Variants in MAGI1 observed in about 807,000 individuals in gnomAD.
MAGI1 encodes the protein membrane associated guanylate kinase, WW and PDZ domain containing 1, also known as membrane-associated guanylate kinase, WW and PDZ domain-containing protein 1.
In MAGI1, 58 loss-of-function variants were observed where a neutral mutation model predicts 139.9. That is an observed-to-expected ratio of 0.41 (90% confidence interval 0.34 to 0.52). The LOEUF is 0.52. Among genes scored for constraint, MAGI1 ranks in the 20% least tolerant of loss-of-function variants. The pLI is 0.12. For synonymous variants in MAGI1, 812 were observed against 737.9 expected, an observed-to-expected ratio of 1.10 and a Z score of -1.63; for missense variants, 1,874 against 1,901.6, an observed-to-expected ratio of 0.99 and a Z score of 0.27.
intron 1 of MAGI1, among the ~76,000 whole-genome samples, chr3:65,730,043 C>T (rs2034025546): frequency 6.6e-6 from 1 of 152,216 alleles, no homozygotes. Flanking sequence ...TTACATTTCT[C>T]AGCATCTGTC....
chr3:65,422,622 A>G (rs1475757856), intron 12 of MAGI1, among the ~76,000 whole-genome samples: 1 of 152,208 alleles, frequency 6.6e-6, no homozygotes, highest in Non-Finnish European at 1.5e-5. Context: ...GGGATAAAGT[A>G]GTGATTGCAA....
At chr3:65,859,939 G>A (rs536873145) in intron 1 of MAGI1, among the ~76,000 whole-genome samples, 159 of 146,626 alleles carry the variant, frequency 1.1e-3, no homozygotes, top group African/African-American at 3.7e-3. Flanking sequence ...TTTTGCTATT[G>A]TTGCCCAGGG....
chr3:65,492,981 C>G (rs145782256), intron 3 of MAGI1, among the ~76,000 whole-genome samples: 2,047 of 150,468 alleles, frequency 0.014, 43 homozygotes, highest in African/African-American at 0.046. Context: ...GGGAGGCTGA[C>G]GCAGGAGAAT....
intron 8 of MAGI1, among the ~76,000 whole-genome samples, chr3:65,440,830 T>A (rs1221973139): frequency 1.2e-5 from 1 of 84,966 alleles, no homozygotes; most frequent in Non-Finnish European, 2.6e-5. Flanking sequence ...TGTACATGTA[T>A]ACATATACAT....
rs138519034 is a variant in MAGI1, at chr3:65,369,408, A to G, written c.3197-4462T>C. Among the ~76,000 whole-genome samples the G allele has an allele frequency of 4.9e-3, 747 of 152,308 alleles. 5 individuals are homozygous for G. The highest frequency in any genetic ancestry group is 0.017 in the African/African-American group (710 of 41,586). ...AAGAATTAGATAGCATGAACTAGACATGGAAATGGACTCAGAGTAGACTCA... is the reference window on the plus strand; with the variant it reads ...AAGAATTAGATAGCATGAACTAGACGTGGAAATGGACTCAGAGTAGACTCA... On this transcript the variant is annotated intron_variant, in intron 18 of 22. Transcript: ENST00000402939.
At chr3:65,422,112 T>G (rs1171677762) in intron 12 of MAGI1, among the ~76,000 whole-genome samples, 1 of 152,238 alleles carries the variant, frequency 6.6e-6, no homozygotes, top group Non-Finnish European at 1.5e-5. Flanking sequence ...CAGTACTTCC[T>G]GCAATGGTGG....
At chr3:65,889,624 T>C (rs574832573) in intron 1 of MAGI1, among the ~76,000 whole-genome samples, 4 of 152,240 alleles carry the variant, frequency 2.6e-5, no homozygotes, top group Non-Finnish European at 5.9e-5. Flanking sequence ...CCAAAGTCAG[T>C]GCAACACAGG....
intron 2 of MAGI1, among the ~76,000 whole-genome samples, chr3:65,601,518 G>A (rs2082481254): frequency 6.6e-6 from 1 of 152,084 alleles, no homozygotes; most frequent in Non-Finnish European, 1.5e-5. Context: ...AAGTTAAAAT[G>A]AAATAAATTA....
At chr3:65,538,762 G>A (rs1331059904) in intron 2 of MAGI1, among the ~76,000 whole-genome samples, 3 of 152,034 alleles carry the variant, frequency 2.0e-5, no homozygotes, top group Admixed American at 1.3e-4. Context: ...GAGCAGACTC[G>A]TTTCTCTGTT....
intron 1 of MAGI1, among the ~76,000 whole-genome samples, chr3:65,842,146 G>A (rs1362915627): frequency 6.6e-6 from 1 of 152,108 alleles, no homozygotes; most frequent in Non-Finnish European, 1.5e-5. Context: ...TCAATGCTCT[G>A]AGTTATGGAG....
intron 12 of MAGI1, among the ~76,000 whole-genome samples, chr3:65,411,695 T>C (rs1282496976): frequency 6.6e-6 from 1 of 152,174 alleles, no homozygotes; most frequent in Non-Finnish European, 1.5e-5. Flanking sequence ...TTCTTTTGCA[T>C]TGCTGACTTT....
chr3:65,447,154 C>T (rs1036125821), intron 7 of MAGI1, among the ~76,000 whole-genome samples: 4 of 152,186 alleles, frequency 2.6e-5, no homozygotes, highest in Admixed American at 6.5e-5. Flanking sequence ...GCTAAAGAAT[C>T]TTCCATCAGC....
intron 4 of MAGI1, among the ~76,000 whole-genome samples, chr3:65,476,468 T>G (rs115360735): frequency 0.011 from 1,741 of 152,226 alleles, 33 homozygotes; most frequent in African/African-American, 0.039. Context: ...AAGTGGGGAT[T>G]TTATGAGGTC....
intron 12 of MAGI1, among the ~76,000 whole-genome samples, chr3:65,425,112 AAAAAAAAAAAAAAAAAAAAAC>A (rs1303904042): frequency 1.4e-4 from 2 of 14,720 alleles, no homozygotes; most frequent in Non-Finnish European, 2.7e-4. Flanking sequence ...AACTTCTAAA[AAAAAAAAAAAAAAAAAAAAAC>A]AAAAAAAAAC....
chr3:65,555,728 C>T (rs992480164), intron 2 of MAGI1, among the ~76,000 whole-genome samples: 5 of 152,086 alleles, frequency 3.3e-5, no homozygotes, highest in South Asian at 2.1e-4. Flanking sequence ...CATAGTGATG[C>T]GTGCCTGTGG....
intron 14 of MAGI1, among the ~76,000 whole-genome samples, chr3:65,389,626 G>A (rs75257208): frequency 5.9e-5 from 9 of 152,200 alleles, no homozygotes; most frequent in African/African-American, 1.9e-4. Context: ...CAGTGAGCGA[G>A]GAGACACAAT....
chr3:65,445,621 T>C (rs1948628188), intron 7 of MAGI1, among the ~76,000 whole-genome samples: 1 of 152,216 alleles, frequency 6.6e-6, no homozygotes, highest in African/African-American at 2.4e-5. Context: ...TCTCCCCTAG[T>C]TGGTTTCACC....
At chr3:65,701,495 C>T (rs1189932400) in intron 1 of MAGI1, among the ~76,000 whole-genome samples, 1 of 152,112 alleles carries the variant, frequency 6.6e-6, no homozygotes, top group African/African-American at 2.4e-5. Context: ...TCAAGTGATC[C>T]GCCTGCCTCG....
At chr3:65,859,958 C>A (rs553323992) in intron 1 of MAGI1, among the ~76,000 whole-genome samples, 1 of 151,442 alleles carries the variant, frequency 6.6e-6, no homozygotes, top group Admixed American at 6.6e-5. Flanking sequence ...GGCAATGGCG[C>A]GATCTCGGCT....
Sources: allele counts gnomAD v4.1 joint callset (sites outside exome capture counted in the v4.1 genomes callset), GRCh38; gene constraint gnomAD v4.1.1; transcripts MANE v1.5; gene names NCBI Gene and HGNC (gene_info 2026-07-23, HGNC 2026-07-21).